COL6A5: variants seen among roughly 807,000 people sequenced by gnomAD.
The protein encoded by COL6A5 is collagen alpha-5(VI) chain.
Under a neutral mutation model 65.6 loss-of-function variants are expected in COL6A5, and 48 were observed. That is an observed-to-expected ratio of 0.73 (90% confidence interval 0.58 to 0.93). The LOEUF (loss-of-function observed/expected upper bound fraction) is 0.93. Ranked by LOEUF, COL6A5 falls within the 40% of genes least tolerant of loss-of-function variation. The pLI is 0.00. For synonymous variants in COL6A5, 291 were observed against 322.8 expected (o/e 0.90, Z 1.05); for missense variants, 914 against 928.3 (o/e 0.98, Z 0.20).
At chr3:130,464,274 G>A (rs780123049) in intron 5 of COL6A5, among the ~76,000 whole-genome samples, 5 of 151,974 alleles carry the variant, frequency 3.3e-5, no homozygotes, top group Admixed American at 2.6e-4. Flanking sequence ...GCTGAGACTA[G>A]AGGCACACAC....
chr3:130,469,593 A>G (rs902704441), intron 6 of COL6A5, 112 bp downstream of exon 38: 5 of 861,166 alleles, frequency 5.8e-6, no homozygotes, highest in African/African-American at 3.4e-5. Flanking sequence ...GTGGTAGAGT[A>G]TAAGTGAGTA....
exon 4 of COL6A5, chr3:130,380,000 T>C: frequency 6.5e-7 from 1 of 1,549,920 alleles, no homozygotes; most frequent in Non-Finnish European, 8.7e-7. Context: ...CAGAATGAAA[T>C]ATGGTCCCAA....
chr3:130,438,510 G>T (rs1281430832), intron 1 of COL6A5, among the ~76,000 whole-genome samples: 3 of 152,134 alleles, frequency 2.0e-5, no homozygotes, highest in African/African-American at 7.2e-5. Flanking sequence ...GACCAACAAG[G>T]TCAAATACAA....
chr3:130,394,706 A>G (rs1936530297), intron 7 of COL6A5, among the ~76,000 whole-genome samples, 184 bp from the exon 8 acceptor site: 1 of 152,180 alleles, frequency 6.6e-6, no homozygotes. Flanking sequence ...AAACTCCATT[A>G]TCTTTCCTCC....
intron 1 of COL6A5, among the ~76,000 whole-genome samples, chr3:130,368,084 C>T (rs190110136): frequency 9.9e-5 from 15 of 152,284 alleles, no homozygotes; most frequent in Admixed American, 7.2e-4. Context: ...CAGAGCTGAC[C>T]CTGGAAGATT....
chr3:130,482,282 C>A (rs186819773), intron 7 of COL6A5, among the ~76,000 whole-genome samples: 1 of 152,166 alleles, frequency 6.6e-6, no homozygotes, highest in South Asian at 2.1e-4. Flanking sequence ...AGTTTTCCAA[C>A]ACCATTTAAC....
In COL6A5 at chr3:130,443,474, A is replaced by G. The variant is rs763022318; in HGVS notation, c.1242-2A>G. On this transcript the variant is annotated splice_acceptor_variant, in intron 3 of 7. Transcript: ENST00000512836. LOFTEE classifies it high-confidence loss of function. ...CTAACTATAACTTTGTTCTCTCAAT[A>G]GGGGGATTCAATCAGTACCCACCAC... The G allele has an allele frequency of 2.5e-6, 4 of 1,597,190 alleles. No homozygotes were observed. Among genetic ancestry groups the G allele is most frequent in the South Asian group, 1.1e-5 (1 of 90,648 alleles).
intron 1 of COL6A5, among the ~76,000 whole-genome samples, chr3:130,357,956 G>A (rs1470748734): frequency 6.6e-5 from 10 of 152,100 alleles, no homozygotes; most frequent in Admixed American, 6.6e-4. Flanking sequence ...TTCGGAGCCT[G>A]AGGCGGGCGG....
intron 1 of COL6A5, among the ~76,000 whole-genome samples, chr3:130,358,188 CA>C (rs918563318): frequency 1.3e-4 from 19 of 148,784 alleles, no homozygotes; most frequent in African/African-American, 4.0e-4. Context: ...GACTCCGTCT[CA>C]AAAAAAAAAA....
At chr3:130,420,019 C>T (rs187211911) in intron 25 of COL6A5, among the ~76,000 whole-genome samples, 8 of 152,220 alleles carry the variant, frequency 5.3e-5, no homozygotes, top group African/African-American at 1.9e-4. Flanking sequence ...TAAAGGCTTT[C>T]AGTCTTCCTT....
Position 130,388,567 on chromosome 3 carries a change from T to C in COL6A5, c.1862-13T>C. The C allele has an allele frequency of 6.7e-7, 1 of 1,496,846 alleles. No homozygotes were observed. Among genetic ancestry groups the C allele is most frequent in the Non-Finnish European group, 8.9e-7 (1 of 1,124,896 alleles). 92.7% of individuals were successfully genotyped at this position (1,496,846 alleles called of 1,614,324 possible). Reference sequence around the variant, plus strand: ...ACCTGGTTATTTCTGGTCTTTTTTTTTATAACATGCAGGATGTGAAGACAT... The same window carrying C: ...ACCTGGTTATTTCTGGTCTTTTTTTCTATAACATGCAGGATGTGAAGACAT... On this transcript the variant is annotated splice_polypyrimidine_tract_variant and intron_variant and NMD_transcript_variant, in intron 5 of 41. Transcript: ENST00000312481.
At chr3:130,399,855 C>T (rs1432372158) in intron 10 of COL6A5, among the ~76,000 whole-genome samples, 4 of 152,004 alleles carry the variant, frequency 2.6e-5, no homozygotes, top group South Asian at 2.1e-4. Flanking sequence ...CAGGTTCAAG[C>T]GATTCTCCTG....
chr3:130,462,476 C>CTT (rs1273923683), intron 5 of COL6A5, among the ~76,000 whole-genome samples: 4 of 152,098 alleles, frequency 2.6e-5, no homozygotes, highest in Admixed American at 6.5e-5. Flanking sequence ...ATGCCTGAGA[C>CTT]TTTTCTTTGT....
intron 10 of COL6A5, among the ~76,000 whole-genome samples, chr3:130,399,487 C>T (rs1372061349): frequency 1.3e-5 from 2 of 151,398 alleles, no homozygotes; most frequent in Admixed American, 1.3e-4. Context: ...TCTCCTGCTT[C>T]AGCCTCTGGA....
In COL6A5 at chr3:130,392,401, A is replaced by G. The variant is rs543518820; in HGVS notation, c.2992+647A>G. 2.6e-5 allele frequency among the ~76,000 whole-genome samples: 4 copies of G among 152,280 alleles called. No individual in the cohort carries two copies. In the South Asian group the frequency reaches 8.3e-4, roughly 32 times the overall value. ...GGGGTTGGTAGGCTGGAGACATCAC[A>G]TTTGAGTGAGGACAGGGTGACACTT... On this transcript the variant is annotated intron_variant and NMD_transcript_variant, in intron 7 of 41. Coordinates refer to the COL6A5 transcript ENST00000312481.
At position 130,356,494 on chromosome 3, in the gene COL6A5, G is replaced by T. The variant is rs549757572; in HGVS notation, c.-29+10513G>T. Among the ~76,000 whole-genome samples, 3 of 151,952 alleles carry T rather than the reference G, an allele frequency of 2.0e-5. No individual in the cohort carries two copies. In the South Asian group the frequency reaches 6.3e-4, roughly 32 times the overall value. On this transcript the variant is annotated intron_variant and NMD_transcript_variant, in intron 1 of 41. Transcript: ENST00000312481. ...AGCGTTATATTAGGTCAGTACAAAA[G>T]TAATTGCGGTTTTGCCATTAAAAGT...
intron 1 of COL6A5, among the ~76,000 whole-genome samples, chr3:130,432,719 C>G (rs1402716042): frequency 6.6e-6 from 1 of 152,134 alleles, no homozygotes; most frequent in African/African-American, 2.4e-5. Flanking sequence ...AATTTGTTAT[C>G]TGCTTGCTGT....
At chr3:130,414,093 A>T in exon 22 of COL6A5, 1 of 1,550,986 alleles carries the variant, frequency 6.4e-7, no homozygotes, top group African/African-American at 1.4e-5. Flanking sequence ...TCCTGGACCT[A>T]CAGGCACATT....
At chr3:130,403,686 A>T in intron 13 of COL6A5, 24 bp downstream of exon 13, 5 of 1,535,550 alleles carry the variant, frequency 3.3e-6, no homozygotes, top group Non-Finnish European at 4.4e-6. Context: ...ACTCCCCCTC[A>T]CCCCCTGTTG....
Sources: allele counts gnomAD v4.1 joint callset (sites outside exome capture counted in the v4.1 genomes callset), GRCh38; gene constraint gnomAD v4.1.1; transcripts MANE v1.5; gene names NCBI Gene and HGNC (gene_info 2026-07-23, HGNC 2026-07-21).